Variants in PRKG1 observed in about 807,000 individuals in gnomAD.
PRKG1 encodes protein kinase cGMP-dependent 1.
A neutral mutation model predicts 88.1 loss-of-function variants in PRKG1; 35 were observed. The ratio of observed to expected loss-of-function variants is 0.40; its 90% confidence interval spans 0.30 to 0.53. The LOEUF (loss-of-function observed/expected upper bound fraction) is 0.53. Among genes scored for constraint, PRKG1 ranks in the 20% least tolerant of loss-of-function variants. The probability of loss-of-function intolerance (pLI) is 0.59; values close to 1 mark genes in which losing one functional copy is unlikely to be tolerated. For missense variants in PRKG1, 540 were observed against 839.8 expected (o/e 0.64, Z 4.41); for synonymous variants, 303 against 292.5 (o/e 1.04, Z -0.37).
intron 2 of PRKG1, among the ~76,000 whole-genome samples, chr10:51,392,566 A>T (rs1304262446): frequency 6.6e-6 from 1 of 151,790 alleles, no homozygotes; most frequent in Admixed American, 6.6e-5. Flanking sequence ...CCGATTTCTC[A>T]ATCTTTTCCC....
chr10:51,646,813 T>G (rs1408320393), intron 3 of PRKG1, among the ~76,000 whole-genome samples: 1 of 152,024 alleles, frequency 6.6e-6, no homozygotes. Context: ...GCCAGCCTAA[T>G]GAAAGATGGA....
At chr10:51,946,888 G>A (rs1041225063) in intron 5 of PRKG1, among the ~76,000 whole-genome samples, 8 of 152,066 alleles carry the variant, frequency 5.3e-5, no homozygotes, top group Non-Finnish European at 5.9e-5. Context: ...GTGCCTCCCA[G>A]TTAGGCTGCT....
At chr10:52,203,703 G>T (rs1255011517) in intron 9 of PRKG1, among the ~76,000 whole-genome samples, 4 of 152,162 alleles carry the variant, frequency 2.6e-5, no homozygotes, top group Non-Finnish European at 5.9e-5. Flanking sequence ...TCATGCATTG[G>T]ATGCATGTAT....
rs1842340275 is a variant in PRKG1, at chr10:52,294,570, T to C, written c.*670T>C. On this transcript the variant is annotated 3_prime_UTR_variant, in exon 18 of 18. Coordinates refer to ENST00000373980, the MANE Select transcript of PRKG1 (RefSeq NM_006258.4). ...TTCTGCTGAGACCTCTCATAGTAGG[T>C]ATATATGAGTTTTCACAGAAGACTG... The C allele has an allele frequency of 6.6e-6, 1 of 152,592 alleles. No homozygotes were observed. Among genetic ancestry groups the C allele is most frequent in the Non-Finnish European group, 1.5e-5 (1 of 68,024 alleles). 9.5% of individuals were successfully genotyped at this position (152,592 alleles called of 1,614,324 possible). A position where few individuals can be genotyped will look rare whatever the true frequency, so the allele number is the denominator to read the frequency against.
intron 3 of PRKG1, among the ~76,000 whole-genome samples, chr10:51,646,350 ATAT>A: frequency 6.6e-6 from 1 of 152,262 alleles, no homozygotes; most frequent in Non-Finnish European, 1.5e-5. Context: ...TGTATGATAA[ATAT>A]TTAGACTAGC....
intron 9 of PRKG1, among the ~76,000 whole-genome samples, chr10:52,213,861 C>T (rs1840044307): frequency 6.6e-6 from 1 of 152,144 alleles, no homozygotes; most frequent in Admixed American, 6.5e-5. Flanking sequence ...TTATAAATAA[C>T]TTATAAATAA....
chr10:51,650,807 C>G (rs1466037358), intron 3 of PRKG1, among the ~76,000 whole-genome samples: 1 of 152,144 alleles, frequency 6.6e-6, no homozygotes, highest in Non-Finnish European at 1.5e-5. Flanking sequence ...AGATGTTACC[C>G]CCACCCTACC....
chr10:51,541,010 T>A (rs1842287012), intron 3 of PRKG1, among the ~76,000 whole-genome samples: 1 of 152,036 alleles, frequency 6.6e-6, no homozygotes, highest in African/African-American at 2.4e-5. Flanking sequence ...AGCCACCACA[T>A]CCGGCCCAGT....
At chr10:51,660,130 T>TA (rs36010118) in intron 3 of PRKG1, among the ~76,000 whole-genome samples, 68,478 of 135,416 alleles carry the variant, frequency 0.51, 18,667 homozygotes, top group East Asian at 0.7. Context: ...GGAAGGGAAT[T>TA]AAAAAAAAAA....
At chr10:51,508,616 G>A (rs911046722) in intron 3 of PRKG1, among the ~76,000 whole-genome samples, 1 of 151,824 alleles carries the variant, frequency 6.6e-6, no homozygotes, top group East Asian at 1.9e-4. Context: ...TGTGGATATG[G>A]CCAACAGACA....
At chr10:51,157,898 A>C (rs1021548491) in intron 2 of PRKG1, among the ~76,000 whole-genome samples, 2 of 151,816 alleles carry the variant, frequency 1.3e-5, no homozygotes, top group Non-Finnish European at 2.9e-5. Context: ...TTGATATACA[A>C]TAGTTGTAAG....
intron 3 of PRKG1, among the ~76,000 whole-genome samples, chr10:51,561,326 G>A (rs1356082463): frequency 8.6e-5 from 13 of 151,808 alleles, no homozygotes; most frequent in Non-Finnish European, 1.5e-4. Context: ...GAGACAGAGT[G>A]AGACCCTGTC....
At chr10:51,825,881 G>C (rs1839869815) in intron 4 of PRKG1, among the ~76,000 whole-genome samples, 1 of 152,110 alleles carries the variant, frequency 6.6e-6, no homozygotes, top group South Asian at 2.1e-4. Context: ...CCAGATTGAA[G>C]TTCCCAAGTC....
chr10:51,939,798 A>G (rs1842868141), intron 5 of PRKG1, among the ~76,000 whole-genome samples: 1 of 151,868 alleles, frequency 6.6e-6, no homozygotes, highest in African/African-American at 2.4e-5. Flanking sequence ...ACTGTAGAAG[A>G]AAAATCTTTG....
rs1455724310 is a variant in PRKG1 at position 52,298,108 on chromosome 10, A to G, written c.*4208A>G. On this transcript the variant is annotated 3_prime_UTR_variant, in exon 18 of 18. Transcript: ENST00000373980. ...AACTGGTCAGTTCTTTTGTATTCTT[A>G]CAGCTATGGTTATTTGATTGTCCTC... The G allele has an allele frequency of 6.6e-6, 1 of 152,086 alleles. No individual in the cohort carries two copies. The allele number at this position is 152,086 out of a possible 1,614,324, so 9.4% of individuals were successfully genotyped here.
At chr10:52,110,270 TGCAGTGAGCGGA>T (rs1847530201) in intron 7 of PRKG1, among the ~76,000 whole-genome samples, 2 of 150,872 alleles carry the variant, frequency 1.3e-5, no homozygotes, top group South Asian at 4.2e-4. Context: ...ATGGCGTGCT[TGCAGTGAGCGGA>T]GATCGCGCCA....
At chr10:51,215,234 T>G (rs984821827) in intron 2 of PRKG1, among the ~76,000 whole-genome samples, 4 of 152,184 alleles carry the variant, frequency 2.6e-5, no homozygotes, top group Non-Finnish European at 5.9e-5. Flanking sequence ...AATGGTGTCA[T>G]GTTTGAAGAA....
In PRKG1 at chr10:51,761,689, G is replaced by T. The variant is rs563782103; in HGVS notation, c.593-42896G>T. 2.6e-5 allele frequency among the ~76,000 whole-genome samples: 4 copies of T among 151,964 alleles called. No homozygotes were observed. In the East Asian group the frequency reaches 7.7e-4, roughly 29 times the overall value. Reference sequence around the variant, plus strand: ...AAAGTGTTTTAATTTTTCTTTCATCGGAATTTATTTTTTTCTTACTATGTA... The same window carrying T: ...AAAGTGTTTTAATTTTTCTTTCATCTGAATTTATTTTTTTCTTACTATGTA... On this transcript the variant is annotated intron_variant, in intron 3 of 17. Transcript: ENST00000373980.
intron 5 of PRKG1, among the ~76,000 whole-genome samples, chr10:51,941,998 C>T (rs1008121804): frequency 2.9e-4 from 44 of 152,046 alleles, no homozygotes; most frequent in African/African-American, 1.0e-3. Flanking sequence ...AATGGTATTT[C>T]TAGTTCTGGA....
Sources: allele counts gnomAD v4.1 joint callset (sites outside exome capture counted in the v4.1 genomes callset), GRCh38; gene constraint gnomAD v4.1.1; transcripts MANE v1.5; gene names NCBI Gene and HGNC (gene_info 2026-07-23, HGNC 2026-07-21).